The following NCBP1 variants were observed in gnomAD, a reference collection of about 807,000 sequenced individuals.
The protein encoded by NCBP1 is nuclear cap binding protein subunit 1, also known as nuclear cap-binding protein subunit 1.
In NCBP1, 16 loss-of-function variants were observed where a neutral mutation model predicts 111.7. The ratio of observed to expected loss-of-function variants is 0.14; its 90% CI spans 0.10 to 0.22. The LOEUF (loss-of-function observed/expected upper bound fraction) is 0.22, where lower values mean the gene tolerates loss of function less well. Among genes scored for constraint, NCBP1 ranks in the 10% least tolerant of loss-of-function variants. The pLI, the probability that NCBP1 is intolerant of heterozygous loss-of-function variation, is 1.00. For missense variants in NCBP1, 607 were observed against 957.5 expected (o/e 0.63, Z 4.83); for synonymous variants, 304 against 314.3 (o/e 0.97, Z 0.35).
chr9:97,665,060 G>A (rs1421592770), intron 19 of NCBP1, among the ~76,000 whole-genome samples: 2 of 152,216 alleles, frequency 1.3e-5, no homozygotes, highest in Non-Finnish European at 2.9e-5. Flanking sequence ...GGCAGCAGGA[G>A]TTGACACAAA....
intron 12 of NCBP1, 57 bp downstream of exon 12, chr9:97,655,001 A>T (rs1395763111): frequency 7.6e-7 from 1 of 1,315,280 alleles, no homozygotes; most frequent in East Asian, 2.6e-5. Flanking sequence ...CCTGTACTTC[A>T]TAAAGGAATT....
At chr9:97,653,760 G>A (rs1020244804) in intron 10 of NCBP1, 38 bp from the exon 11 acceptor site, 9 of 1,479,892 alleles carry the variant, frequency 6.1e-6, no homozygotes, top group Non-Finnish European at 7.5e-6. Flanking sequence ...TGCAAAGATA[G>A]CAGTTGGATT....
chr9:97,660,404 C>T (rs975007869), intron 15 of NCBP1, among the ~76,000 whole-genome samples: 5 of 152,148 alleles, frequency 3.3e-5, no homozygotes, highest in Admixed American at 6.5e-5. Context: ...AGTCCCATCA[C>T]GTGAGCATCT....
At chr9:97,642,812 A>G (rs1827239258) in intron 3 of NCBP1, among the ~76,000 whole-genome samples, 1 of 151,946 alleles carries the variant, frequency 6.6e-6, no homozygotes, top group South Asian at 2.1e-4. Flanking sequence ...CCCCCCCTTA[A>G]TGATTCTGTA....
At chr9:97,662,352 G>C (rs552809436) in intron 17 of NCBP1, among the ~76,000 whole-genome samples, 1 of 152,202 alleles carries the variant, frequency 6.6e-6, no homozygotes, top group African/African-American at 2.4e-5. Context: ...TACATGGTAA[G>C]TGCTTTTTTT....
At chr9:97,654,829 A>ACT in intron 11 of NCBP1, 51 bp from the exon 12 acceptor site, 2 of 1,492,544 alleles carry the variant, frequency 1.3e-6, no homozygotes, top group Non-Finnish European at 1.9e-6. Flanking sequence ...GTCTATTACA[A>ACT]CTTATTTGGG....
intron 22 of NCBP1, 29 bp downstream of exon 22, chr9:97,669,735 A>C: frequency 7.1e-7 from 1 of 1,407,044 alleles, no homozygotes; most frequent in East Asian, 2.3e-5. Context: ...TTAGGTAATA[A>C]CACTATTCTC....
Position 97,671,351 on chromosome 9 carries a change from C to T in NCBP1, c.*152C>T, listed in dbSNP as rs1383695723. ...AGGACAGTGAATGAACATGGCATTA[C>T]TTTTAATTGCCCTGAAAAGCAAATA... On this transcript the variant is annotated 3_prime_UTR_variant, in exon 23 of 23. Coordinates refer to ENST00000375147, the MANE Select transcript of NCBP1 (RefSeq NM_002486.5). 1 of 574,456 alleles carries T rather than the reference C, an allele frequency of 1.7e-6. No homozygotes were observed. The highest frequency in any genetic ancestry group is 1.9e-5 in the African/African-American group (1 of 52,300). 35.6% of individuals were successfully genotyped at this position (574,456 alleles called of 1,614,324 possible).
At position 97,672,079 on chromosome 9, in the gene NCBP1, T is replaced by C. The variant is rs1828209218; in HGVS notation, c.*880T>C. 4 of 152,258 alleles carry C rather than the reference T, an allele frequency of 2.6e-5. No homozygotes were observed. The highest frequency in any genetic ancestry group is 2.6e-4 in the Admixed American group (4 of 15,278). The allele number at this position is 152,258 out of a possible 1,614,324, so 9.4% of individuals were successfully genotyped here. A position where few individuals can be genotyped will look rare whatever the true frequency, so the allele number is the denominator to read the frequency against. On this transcript the variant is annotated 3_prime_UTR_variant, in exon 23 of 23. Transcript: ENST00000375147. ...TAGATGTGAGTTTAGATTTTGTTTA[T>C]ATGGAACCTGATCCAAAAAACTACG... is the stretch of plus-strand genomic sequence containing the variant.
Position 97,658,656 on chromosome 9 carries a change from C to A in NCBP1, c.1390C>A (p.Arg464Ser). 1 of 1,610,944 alleles carries A rather than the reference C, an allele frequency of 6.2e-7. No homozygotes were observed. Among genetic ancestry groups the A allele is most frequent in the Non-Finnish European group, 8.5e-7 (1 of 1,177,360 alleles). The change falls in exon 15 of 23, where the codon CGT becomes AGT. Residue 464 changes from arginine (R) to serine (S), a missense_variant. Physicochemically the swap from Arg to Ser is moderately radical, Grantham distance 110. Transcript: ENST00000375147. The stretch of plus-strand genomic sequence containing the variant: ...GTATTGTAGGTTGTCTTACCATCAG[C>A]GTATATTAGATATTGTTCCTCCTAC... ...EKCMRLSYHQRILDIVPPTFS... is the reference protein window; with the variant it reads ...EKCMRLSYHQSILDIVPPTFS...
In NCBP1 at chr9:97,635,412, C is replaced by G. The variant is rs1804575022; in HGVS notation, c.34+1497C>G. Reference sequence around the variant, plus strand: ...CAAGGCACAGAAAATACAATTCCCTCCCTTTTTTTTTTTTTTCTGAGACGG... The same window carrying G: ...CAAGGCACAGAAAATACAATTCCCTGCCTTTTTTTTTTTTTTCTGAGACGG... On this transcript the variant is annotated intron_variant, in intron 1 of 22. Coordinates refer to ENST00000375147, the MANE Select transcript of NCBP1 (RefSeq NM_002486.5). 2.3e-5 allele frequency among the ~76,000 whole-genome samples: 3 copies of G among 130,674 alleles called. No homozygotes were observed. The South Asian group carries it at 6.6e-4, about 29-fold the overall frequency. 85.7% of individuals were successfully genotyped at this position (130,674 alleles called of 152,430 possible). A position where few individuals can be genotyped will look rare whatever the true frequency, so the allele number is the denominator to read the frequency against.
chr9:97,634,057 T>A, intron 1 of NCBP1, 142 bp downstream of exon 1: 1 of 1,089,872 alleles, frequency 9.2e-7, no homozygotes, highest in Non-Finnish European at 1.2e-6. Flanking sequence ...GAGAATATGG[T>A]GGCGGTGTGG....
intron 1 of NCBP1, among the ~76,000 whole-genome samples, chr9:97,636,374 A>G (rs757904750): frequency 6.6e-6 from 1 of 151,062 alleles, no homozygotes; most frequent in Non-Finnish European, 1.5e-5. Context: ...TTTCTGGACA[A>G]TTGTCAGCTG....
At chr9:97,664,246 C>T in intron 18 of NCBP1, 94 bp from the exon 19 acceptor site, 1 of 714,560 alleles carries the variant, frequency 1.4e-6, no homozygotes, top group East Asian at 2.8e-5. Context: ...TTTTATAGCC[C>T]TCCTATTTTA....
rs1587730235 is a variant in NCBP1, at chr9:97,669,725, T to G, written c.2259+19T>G. On this transcript the variant is annotated intron_variant, in intron 22 of 22. Coordinates refer to ENST00000375147, the MANE Select transcript of NCBP1 (RefSeq NM_002486.5). ...CCTACAGGTATGTGGGGAACTTCGA[T>G]TAGGTAATAACACTATTCTCAGCCA... 6 of 1,463,990 alleles carry G rather than the reference T, an allele frequency of 4.1e-6. No individual in the cohort carries two copies. The East Asian group carries it at 1.4e-4, about 33-fold the overall frequency. 90.7% of individuals were successfully genotyped at this position (1,463,990 alleles called of 1,614,324 possible). A position where few individuals can be genotyped will look rare whatever the true frequency, so the allele number is the denominator to read the frequency against.
chr9:97,647,128 C>T (rs924489798), intron 6 of NCBP1, among the ~76,000 whole-genome samples: 1 of 151,958 alleles, frequency 6.6e-6, no homozygotes, highest in Admixed American at 6.6e-5. Context: ...CAGTGAATAT[C>T]TTTGTGTATA....
At chr9:97,657,057 C>T (rs1184288859) in intron 14 of NCBP1, among the ~76,000 whole-genome samples, 1 of 152,160 alleles carries the variant, frequency 6.6e-6, no homozygotes, top group Non-Finnish European at 1.5e-5. Context: ...CAAGCGCCAC[C>T]TCCGGGTTCA....
At chr9:97,640,951 T>C in intron 2 of NCBP1, 69 bp downstream of exon 2, 1 of 1,223,332 alleles carries the variant, frequency 8.2e-7, no homozygotes, top group Middle Eastern at 2.0e-4. Context: ...TGATTAATTT[T>C]TGCAGCTGAA....
At chr9:97,640,539 C>A (rs1390348526) in intron 1 of NCBP1, among the ~76,000 whole-genome samples, 1 of 152,044 alleles carries the variant, frequency 6.6e-6, no homozygotes, top group Admixed American at 6.6e-5. Context: ...CTGCTGATTG[C>A]ATAGCTCCAT....
Sources: allele counts gnomAD v4.1 joint callset (sites outside exome capture counted in the v4.1 genomes callset), GRCh38; gene constraint gnomAD v4.1.1; transcripts MANE v1.5; gene names NCBI Gene and HGNC (gene_info 2026-07-23, HGNC 2026-07-21).